The following UNC13C variants were observed in gnomAD, a reference collection of about 807,000 sequenced individuals.
UNC13C encodes protein unc-13 homolog C.
In UNC13C, 174 loss-of-function variants were observed where a neutral mutation model predicts 245.4. The ratio of observed to expected loss-of-function variants is 0.71; its 90% CI spans 0.63 to 0.80. The LOEUF (loss-of-function observed/expected upper bound fraction) is 0.80, where lower values mean the gene tolerates loss of function less well. UNC13C is among the 30% of genes least tolerant of loss of function. The probability of loss-of-function intolerance (pLI) is 0.00; values close to 1 mark genes in which losing one functional copy is unlikely to be tolerated. For missense variants in UNC13C, 2,829 were observed against 2,602.9 expected, an observed-to-expected ratio of 1.09 and a Z score of -1.89; for synonymous variants, 992 against 895.1, an observed-to-expected ratio of 1.11 and a Z score of -1.93.
chr15:54,451,471 A>T (rs1023590855), intron 19 of UNC13C, among the ~76,000 whole-genome samples: 21 of 151,898 alleles, frequency 1.4e-4, no homozygotes, highest in African/African-American at 3.1e-4. Flanking sequence ...AACTCTTTTT[A>T]AAAAAATTGT....
intron 2 of UNC13C, among the ~76,000 whole-genome samples, chr15:54,120,152 C>G (rs181937189): frequency 6.6e-6 from 1 of 152,156 alleles, no homozygotes; most frequent in African/African-American, 2.4e-5. Context: ...TGGACGAAAA[C>G]GACACCAGGA....
chr15:54,412,406 A>G (rs747905183), intron 18 of UNC13C, among the ~76,000 whole-genome samples: 19 of 152,136 alleles, frequency 1.2e-4, no homozygotes, highest in Non-Finnish European at 2.6e-4. Context: ...TTTTAAAACC[A>G]TCAGATCTCA....
chr15:53,985,823 T>G (rs1392872746), intron 1 of UNC13C, among the ~76,000 whole-genome samples: 1 of 152,088 alleles, frequency 6.6e-6, no homozygotes, highest in Non-Finnish European at 1.5e-5. Flanking sequence ...TCGTCTGGTT[T>G]TTGTAGTAAC....
intron 30 of UNC13C, among the ~76,000 whole-genome samples, chr15:54,598,866 T>C (rs888038560): frequency 2.0e-5 from 3 of 152,148 alleles, no homozygotes; most frequent in African/African-American, 7.2e-5. Context: ...AATACGTATT[T>C]GACAAGAGTT....
the UNC13C span, among the ~76,000 whole-genome samples, chr15:53,949,983 A>G: frequency 6.6e-6 from 1 of 152,302 alleles, no homozygotes; most frequent in African/African-American, 2.4e-5. Context: ...ACTATTCTCA[A>G]TGTCAGAAAC....
At chr15:53,868,092 C>A in the UNC13C span, among the ~76,000 whole-genome samples, 2 of 152,200 alleles carry the variant, frequency 1.3e-5, no homozygotes, top group African/African-American at 4.8e-5. Context: ...GCCTTGGCCT[C>A]CCAAAGTGCT....
intron 17 of UNC13C, among the ~76,000 whole-genome samples, chr15:54,381,925 A>G (rs759773845): frequency 1.2e-4 from 18 of 152,318 alleles, no homozygotes; most frequent in Non-Finnish European, 1.9e-4. Flanking sequence ...CTTACAGAGC[A>G]TTTTATCCAA....
At chr15:54,589,054 C>A in intron 30 of UNC13C, among the ~76,000 whole-genome samples, 1 of 152,090 alleles carries the variant, frequency 6.6e-6, no homozygotes, top group East Asian at 1.9e-4. Flanking sequence ...TTTCAGGAAT[C>A]TCCACACTAT....
intron 10 of UNC13C, among the ~76,000 whole-genome samples, chr15:54,289,291 T>G (rs1833437927): frequency 6.6e-6 from 1 of 152,120 alleles, no homozygotes; most frequent in Admixed American, 6.6e-5. Context: ...AAACATTTGA[T>G]AATCACTTGC....
chr15:53,956,252 A>T, the UNC13C span, among the ~76,000 whole-genome samples: 11 of 152,162 alleles, frequency 7.2e-5, no homozygotes, highest in South Asian at 2.1e-4. Flanking sequence ...GATAGAATCA[A>T]TCGCATCCCA....
At chr15:54,011,703 T>C (rs1207946954) in intron 1 of UNC13C, among the ~76,000 whole-genome samples, 1 of 152,232 alleles carries the variant, frequency 6.6e-6, no homozygotes, top group Admixed American at 6.5e-5. Flanking sequence ...CCAGAAAGAC[T>C]TGGACTTCTT....
At chr15:54,282,252 A>G (rs1490480269) in intron 10 of UNC13C, among the ~76,000 whole-genome samples, 1 of 152,220 alleles carries the variant, frequency 6.6e-6, no homozygotes, top group East Asian at 1.9e-4. Context: ...TAAATATATG[A>G]ACACATGTAT....
intron 2 of UNC13C, among the ~76,000 whole-genome samples, chr15:54,088,390 A>G (rs891180894): frequency 2.5e-4 from 38 of 152,086 alleles, no homozygotes; most frequent in Non-Finnish European, 5.0e-4. Context: ...GGGACATGCT[A>G]TTTGGACCAT....
chr15:54,303,724 C>T (rs80132013), intron 13 of UNC13C, among the ~76,000 whole-genome samples: 20,524 of 151,308 alleles, frequency 0.14, 1,548 homozygotes, highest in Admixed American at 0.2. Context: ...CGACATGTGC[C>T]CAAGGTGGTC....
intron 19 of UNC13C, 48 bp from the exon 20 acceptor site, chr15:54,494,560 T>C (rs1353569587): frequency 6.7e-7 from 1 of 1,488,434 alleles, no homozygotes. Context: ...CATAGCAGCA[T>C]TGTTGGCAAA....
rs528088570 is a variant in UNC13C at position 54,204,723 on chromosome 15, A to G, written c.3072-30307A>G. Among the ~76,000 whole-genome samples, 178 of 152,168 alleles carry G rather than the reference A, an allele frequency of 1.2e-3. 1 individual carries two copies. The highest frequency in any genetic ancestry group is 4.1e-3 in the African/African-American group (172 of 41,578). ...TAAGTAACTTATTTTTAAGCTAATG[A>G]TTAAGACAGAGTCATGTTGAGGAAA... is the stretch of plus-strand genomic sequence containing the variant. On this transcript the variant is annotated intron_variant, in intron 4 of 32. Coordinates refer to ENST00000260323, the MANE Select transcript of UNC13C (RefSeq NM_001080534.3).
intron 4 of UNC13C, among the ~76,000 whole-genome samples, chr15:54,181,193 G>A (rs1326429446): frequency 6.6e-6 from 1 of 151,936 alleles, no homozygotes; most frequent in African/African-American, 2.4e-5. Context: ...AAAAGGTAGG[G>A]ATACACTTTT....
chr15:54,157,035 C>T (rs2032779259), intron 4 of UNC13C, among the ~76,000 whole-genome samples: 1 of 152,084 alleles, frequency 6.6e-6, no homozygotes, highest in Non-Finnish European at 1.5e-5. Flanking sequence ...TGTATGTGAA[C>T]TTGAGCTGTT....
At chr15:53,959,281 T>G in the UNC13C span, among the ~76,000 whole-genome samples, 17 of 148,038 alleles carry the variant, frequency 1.1e-4, no homozygotes, top group African/African-American at 2.7e-4. Flanking sequence ...AGATATACTG[T>G]TTTTTTTTTC....
Sources: gnomAD v4.1 joint callset for allele counts (sites outside exome capture counted in the v4.1 genomes callset) on GRCh38, gnomAD v4.1.1 for gene constraint, MANE v1.5 for transcripts, NCBI Gene and HGNC (gene_info 2026-07-23, HGNC 2026-07-21) for gene names.